Variants in RANBP2 observed in about 807,000 individuals in gnomAD.
RANBP2 encodes the protein RAN binding protein 2, also known as E3 SUMO-protein ligase RanBP2.
RANBP2 carries 57 observed loss-of-function variants against 303.6 expected under a neutral mutation model. The observed-to-expected ratio is 0.19, with a 90% CI of 0.15 to 0.23. The LOEUF (loss-of-function observed/expected upper bound fraction) is 0.23, where lower values mean the gene tolerates loss of function less well. RANBP2 is among the 10% of genes least tolerant of loss of function. The pLI, the probability that RANBP2 is intolerant of heterozygous loss-of-function variation, is 1.00. For synonymous variants in RANBP2, 1,167 were observed against 1,301.5 expected, an observed-to-expected ratio of 0.90 and a Z score of 2.23; for missense variants, 3,138 against 3,780.8, an observed-to-expected ratio of 0.83 and a Z score of 4.46.
chr2:109,712,297 C>T, the RANBP2 span, among the ~76,000 whole-genome samples: 1 of 152,222 alleles, frequency 6.6e-6, no homozygotes, highest in Admixed American at 6.5e-5. Context: ...GTCACTCATT[C>T]TCAGGCTGAC....
the RANBP2 span, among the ~76,000 whole-genome samples, chr2:109,365,075 C>A: frequency 6.6e-6 from 1 of 151,980 alleles, no homozygotes; most frequent in African/African-American, 2.4e-5. Context: ...AACAAACAAA[C>A]AAAACATCCC....
At chr2:109,213,335 C>T in the RANBP2 span, among the ~76,000 whole-genome samples, 4 of 152,150 alleles carry the variant, frequency 2.6e-5, no homozygotes, top group South Asian at 4.1e-4. Context: ...AAACGCAGCC[C>T]GGGCATCTTG....
chr2:108,740,362 G>A, intron 6 of RANBP2, 127 bp from the exon 7 acceptor site: 1 of 1,428,684 alleles, frequency 7.0e-7, no homozygotes. Context: ...TGGGGAATAA[G>A]AATTATTAGT....
chr2:108,997,440 CAAAAAAAAAAA>C, the RANBP2 span, among the ~76,000 whole-genome samples: 1 of 49,954 alleles, frequency 2.0e-5, no homozygotes, highest in African/African-American at 9.6e-5. Context: ...GACTCTGTCT[CAAAAAAAAAAA>C]AAAAAAAAAA....
chr2:109,230,877 C>CCTTTGGGGG, the RANBP2 span, among the ~76,000 whole-genome samples: 2 of 152,198 alleles, frequency 1.3e-5, no homozygotes, highest in Admixed American at 6.5e-5. Flanking sequence ...AATAGGACTC[C>CCTTTGGGGG]CTTTGGGGGC....
the RANBP2 span, among the ~76,000 whole-genome samples, chr2:108,795,533 T>C: frequency 2.6e-5 from 4 of 152,254 alleles, no homozygotes; most frequent in African/African-American, 9.6e-5. Context: ...GCGCAGTATC[T>C]GTTTGAAATT....
At chr2:109,372,107 C>T in the RANBP2 span, among the ~76,000 whole-genome samples, 1,131 of 152,310 alleles carry the variant, frequency 7.4e-3, 15 homozygotes, top group African/African-American at 0.026. Flanking sequence ...TGGAAGGAAC[C>T]GTTGCTGGCC....
the RANBP2 span, among the ~76,000 whole-genome samples, chr2:109,606,484 C>T: frequency 2.0e-5 from 3 of 152,060 alleles, no homozygotes; most frequent in Non-Finnish European, 2.9e-5. Context: ...TGCACTTCAG[C>T]ATCTGGTAGC....
the RANBP2 span, among the ~76,000 whole-genome samples, chr2:109,483,949 G>A: frequency 1.3e-5 from 2 of 151,660 alleles, no homozygotes; most frequent in African/African-American, 4.8e-5. Context: ...CACAACCCCC[G>A]CCATCCCTGT....
At position 108,763,186 on chromosome 2, in the gene RANBP2, T is replaced by C. The variant is rs767359456; in HGVS notation, c.2698-51T>C. 3.2e-6 allele frequency: 5 copies of C among 1,585,974 alleles called. No individual in the cohort carries two copies. The South Asian group carries it at 4.4e-5, about 14-fold the overall frequency. ...GTGAGAATTGGTTTGCATTTAGTTATCTGTAGTTTTGTAGACAATCTACAA... is the reference window on the plus strand; with the variant it reads ...GTGAGAATTGGTTTGCATTTAGTTACCTGTAGTTTTGTAGACAATCTACAA... On this transcript the variant is annotated intron_variant, in intron 19 of 28. Coordinates refer to ENST00000283195, the MANE Select transcript of RANBP2 (RefSeq NM_006267.5).
the RANBP2 span, among the ~76,000 whole-genome samples, chr2:109,015,314 C>A: frequency 2.6e-5 from 4 of 152,082 alleles, no homozygotes; most frequent in Admixed American, 6.5e-5. Flanking sequence ...AACCCCTCAT[C>A]CTCTTCCTCC....
chr2:109,355,298 G>T, the RANBP2 span, among the ~76,000 whole-genome samples: 1 of 152,122 alleles, frequency 6.6e-6, no homozygotes, highest in Admixed American at 6.6e-5. Flanking sequence ...TGGCATATTG[G>T]CCCAGGAACT....
chr2:109,672,011 TC>T, the RANBP2 span, among the ~76,000 whole-genome samples: 11,199 of 152,182 alleles, frequency 0.074, 1,261 homozygotes, highest in African/African-American at 0.24. Context: ...TTTCTCCTCC[TC>T]CTCCTCGTCT....
chr2:109,269,137 G>A, the RANBP2 span, among the ~76,000 whole-genome samples: 3 of 152,228 alleles, frequency 2.0e-5, no homozygotes, highest in Admixed American at 6.5e-5. Flanking sequence ...CATTGGAAGC[G>A]TGGGCATCAT....
At chr2:109,415,258 C>A in the RANBP2 span, among the ~76,000 whole-genome samples, 2 of 152,206 alleles carry the variant, frequency 1.3e-5, no homozygotes, top group African/African-American at 4.8e-5. Flanking sequence ...GAGTCTGTGG[C>A]TGTTTGTTTC....
chr2:109,481,010 TCATTG>T, the RANBP2 span, among the ~76,000 whole-genome samples: 1 of 152,194 alleles, frequency 6.6e-6, no homozygotes, highest in Non-Finnish European at 1.5e-5. Flanking sequence ...CCAAGCTGTG[TCATTG>T]CTTCAGGCAA....
chr2:109,239,468 A>C, the RANBP2 span, among the ~76,000 whole-genome samples: 1 of 152,202 alleles, frequency 6.6e-6, no homozygotes, highest in Non-Finnish European at 1.5e-5. Flanking sequence ...ATCAAGTAAA[A>C]GCTTTTTAGA....
the RANBP2 span, among the ~76,000 whole-genome samples, chr2:109,324,660 C>G: frequency 1.3e-5 from 2 of 152,190 alleles, no homozygotes; most frequent in Non-Finnish European, 2.9e-5. Context: ...ATCCTTTCTC[C>G]TGGAACTCCT....
At chr2:108,925,463 G>A in the RANBP2 span, among the ~76,000 whole-genome samples, 1 of 152,204 alleles carries the variant, frequency 6.6e-6, no homozygotes, top group Non-Finnish European at 1.5e-5. Flanking sequence ...GCATGGGGAG[G>A]GTGGTGGCTC....
Sources: gnomAD v4.1 joint callset for allele counts (sites outside exome capture counted in the v4.1 genomes callset) on GRCh38, gnomAD v4.1.1 for gene constraint, MANE v1.5 for transcripts, NCBI Gene and HGNC (gene_info 2026-07-23, HGNC 2026-07-21) for gene names.